ST7L: variants seen among roughly 807,000 people sequenced by gnomAD.
ST7L encodes suppression of tumorigenicity 7 like.
Under a neutral mutation model 72.5 loss-of-function variants are expected in ST7L, and 57 were observed. The observed-to-expected ratio is 0.79, with a 90% CI of 0.64 to 0.98. The LOEUF (loss-of-function observed/expected upper bound fraction) is 0.98, where lower values mean the gene tolerates loss of function less well. Among genes scored for constraint, ST7L ranks in the 50% least tolerant of loss-of-function variants. The pLI is 0.00. For missense variants in ST7L, 576 were observed against 672.2 expected, an observed-to-expected ratio of 0.86 and a Z score of 1.58; for synonymous variants, 221 against 240.9, an observed-to-expected ratio of 0.92 and a Z score of 0.77.
In ST7L at chr1:112,540,149, A is replaced by G. The variant is rs1471702843; in HGVS notation, c.1629+1802T>C. The G allele has an allele frequency of 5.1e-6, 5 of 985,300 alleles. No homozygotes were observed. In the East Asian group the frequency reaches 5.7e-4, roughly 112 times the overall value. 61.0% of individuals were successfully genotyped at this position (985,300 alleles called of 1,614,324 possible). On this transcript the variant is annotated intron_variant, in intron 14 of 14. Coordinates refer to ENST00000358039, the MANE Select transcript of ST7L (RefSeq NM_017744.5). Reference sequence around the variant, plus strand: ...ATTGTAGCTTGCACCCCATGGAAATATACTACTAACAGTTGGTATAGATCT... The same window carrying G: ...ATTGTAGCTTGCACCCCATGGAAATGTACTACTAACAGTTGGTATAGATCT...
chr1:112,588,711 T>C (rs535237551), intron 6 of ST7L, among the ~76,000 whole-genome samples: 2 of 152,342 alleles, frequency 1.3e-5, no homozygotes, highest in Non-Finnish European at 2.9e-5. Flanking sequence ...TTTCGTATGT[T>C]GAACCATTCT....
At chr1:112,597,885 C>G in intron 5 of ST7L, 86 bp downstream of exon 5, 1 of 910,752 alleles carries the variant, frequency 1.1e-6, no homozygotes, top group Non-Finnish European at 1.6e-6. Flanking sequence ...CTAAATAACT[C>G]TGTATATTAT....
chr1:112,577,000 G>A lies in ST7L; in HGVS notation c.1231C>T (p.Pro411Ser). 1.9e-6 allele frequency: 3 copies of A among 1,599,052 alleles called. No individual in the cohort carries two copies. The highest frequency in any genetic ancestry group is 2.6e-6 in the Non-Finnish European group (3 of 1,171,218). The change falls in exon 11 of 15, where the codon CCT (proline) becomes TCT (serine). Residue 411 changes from proline to serine, a missense_variant. By Grantham distance (74) the Pro-to-Ser change is moderately conservative. Transcript: ENST00000358039. Reference sequence around the variant, plus strand: ...AAATTTCTCACTTTTGGAACATGAGGATTAAATTCCACAGCTCTATGAATT... The same window carrying A: ...AAATTTCTCACTTTTGGAACATGAGAATTAAATTCCACAGCTCTATGAATT... ...EAIHRAVEFN[P>S]HVPKYLLEMK...
At chr1:112,613,535 T>C (rs115916615) in intron 2 of ST7L, among the ~76,000 whole-genome samples, 2,955 of 152,338 alleles carry the variant, frequency 0.019, 96 homozygotes, top group African/African-American at 0.067. Flanking sequence ...TGTGATTATA[T>C]GTATATACAA....
intron 3 of ST7L, among the ~76,000 whole-genome samples, chr1:112,604,823 T>C (rs1667957772): frequency 7.2e-6 from 1 of 139,258 alleles, no homozygotes; most frequent in Admixed American, 7.6e-5. Context: ...TGGTGGCTCA[T>C]GCCTGTAATC....
At chr1:112,568,230 A>G (rs1661350675) in intron 11 of ST7L, among the ~76,000 whole-genome samples, 1 of 152,086 alleles carries the variant, frequency 6.6e-6, no homozygotes, top group African/African-American at 2.4e-5. Context: ...TTTACATTTC[A>G]TAGGTGAAAA....
intron 6 of ST7L, 103 bp downstream of exon 6, chr1:112,591,422 A>T: frequency 1.1e-6 from 1 of 897,324 alleles, no homozygotes; most frequent in Non-Finnish European, 1.7e-6. Flanking sequence ...AAAGGAAATG[A>T]CTAATGACTC....
intron 2 of ST7L, among the ~76,000 whole-genome samples, chr1:112,612,071 C>A (rs375075350): frequency 2.7e-5 from 4 of 150,926 alleles, no homozygotes; most frequent in African/African-American, 7.3e-5. Context: ...AGCATATGCA[C>A]AACTAAGAGA....
At chr1:112,600,928 G>A in intron 3 of ST7L, 80 bp from the exon 4 acceptor site, 1 of 1,277,430 alleles carries the variant, frequency 7.8e-7, no homozygotes, top group Non-Finnish European at 1.1e-6. Context: ...TCTACCCACT[G>A]TAGGCTAATC....
At chr1:112,536,800 A>T (rs772601784) in intron 14 of ST7L, among the ~76,000 whole-genome samples, 1 of 152,170 alleles carries the variant, frequency 6.6e-6, no homozygotes, top group Non-Finnish European at 1.5e-5. Context: ...CATAAAGATT[A>T]GTAGAAATAT....
intron 12 of ST7L, among the ~76,000 whole-genome samples, chr1:112,551,042 A>G (rs990010640): frequency 1.3e-5 from 2 of 151,350 alleles, no homozygotes; most frequent in Non-Finnish European, 2.9e-5. Context: ...TGGGATGTAT[A>G]TAACTGTTGT....
chr1:112,547,770 G>T (rs1657395720), intron 13 of ST7L, among the ~76,000 whole-genome samples: 1 of 150,556 alleles, frequency 6.6e-6, no homozygotes, highest in African/African-American at 2.4e-5. Context: ...CTCCATGTTG[G>T]CCAGGCTGGT....
chr1:112,577,955 TACTACAC>T (rs763097631), intron 10 of ST7L, among the ~76,000 whole-genome samples: 1 of 152,246 alleles, frequency 6.6e-6, no homozygotes, highest in Non-Finnish European at 1.5e-5. Flanking sequence ...CCTATTTCCC[TACTACAC>T]ACTTTATCAT....
chr1:112,565,650 T>TC (rs1660898289), intron 11 of ST7L, among the ~76,000 whole-genome samples: 1 of 152,004 alleles, frequency 6.6e-6, no homozygotes, highest in Admixed American at 6.6e-5. Flanking sequence ...AACAAAGGAA[T>TC]CCCCCAAACC....
intron 13 of ST7L, among the ~76,000 whole-genome samples, chr1:112,549,349 C>A (rs1312330627): frequency 1.3e-5 from 2 of 151,996 alleles, no homozygotes; most frequent in Admixed American, 6.6e-5. Context: ...GCTGAGATTG[C>A]GCCACTGCAC....
At chr1:112,582,522 G>A (rs1351446795) in intron 7 of ST7L, 50 bp from the exon 8 acceptor site, 2 of 1,109,874 alleles carry the variant, frequency 1.8e-6, no homozygotes, top group Non-Finnish European at 2.6e-6. Context: ...TGTATTGTGG[G>A]CTGCTATTTC....
intron 14 of ST7L, among the ~76,000 whole-genome samples, chr1:112,533,367 G>A (rs1410032128): frequency 6.6e-6 from 1 of 151,712 alleles, no homozygotes; most frequent in Non-Finnish European, 1.5e-5. Context: ...TTGCCAGGCT[G>A]GAGTGCAGTG....
intron 3 of ST7L, among the ~76,000 whole-genome samples, chr1:112,609,740 T>A (rs575053036): frequency 6.6e-6 from 1 of 152,088 alleles, no homozygotes; most frequent in African/African-American, 2.4e-5. Context: ...GGAGAATCAT[T>A]TGAACTTGGA....
intron 6 of ST7L, 180 bp downstream of exon 6, chr1:112,591,345 A>T: frequency 1.8e-6 from 1 of 561,532 alleles, no homozygotes; most frequent in Non-Finnish European, 3.1e-6. Context: ...ATAGATTTAC[A>T]ATTTCAGAAG....
Sources: gnomAD v4.1 joint callset for allele counts (sites outside exome capture counted in the v4.1 genomes callset) on GRCh38, gnomAD v4.1.1 for gene constraint, MANE v1.5 for transcripts, NCBI Gene and HGNC (gene_info 2026-07-23, HGNC 2026-07-21) for gene names.